RFX2: variants seen among roughly 807,000 people sequenced by gnomAD.
RFX2 encodes regulatory factor X2.
RFX2 carries 20 observed loss-of-function variants against 87.8 expected under a neutral mutation model. The ratio of observed to expected loss-of-function variants is 0.23; its 90% confidence interval spans 0.16 to 0.33. The LOEUF is 0.33. Among genes scored for constraint, RFX2 ranks in the 10% least tolerant of loss-of-function variants. The pLI, the probability that RFX2 is intolerant of heterozygous loss-of-function variation, is 1.00. For synonymous variants in RFX2, 397 were observed against 431.3 expected (o/e 0.92, Z 0.98); for missense variants, 767 against 1,012.3 (o/e 0.76, Z 3.29).
In RFX2 at chr19:6,027,357, A is replaced by G. The variant is rs1291944101; in HGVS notation, c.523-1120T>C. ...CACCTTTAAGAAGTGCAGAAGGTAC[A>G]CTGGAGGACCAGGGGAAAGTAGGAT... is the stretch of plus-strand genomic sequence containing the variant. On this transcript the variant is annotated intron_variant, in intron 5 of 17. Transcript: ENST00000303657. This position sits in a 1 kb window ranked among gnomAD's most constrained non-coding sequence, Gnocchi z 5.0. The G allele has an allele frequency of 1.3e-5, 2 of 152,240 alleles. No individual in the cohort carries two copies. Among genetic ancestry groups the G allele is most frequent in the Non-Finnish European group, 2.9e-5 (2 of 68,062 alleles). The allele number at this position is 152,240 out of a possible 1,614,324, so 9.4% of individuals were successfully genotyped here. A position where few individuals can be genotyped will look rare whatever the true frequency, so the allele number is the denominator to read the frequency against.
chr19:6,067,139 C>T (rs932819041), intron 1 of RFX2, among the ~76,000 whole-genome samples: 1 of 152,046 alleles, frequency 6.6e-6, no homozygotes, highest in African/African-American at 2.4e-5. Context: ...GAGAAAGTGC[C>T]CTTTTCTCCA....
rs577254036 is a variant in RFX2, at chr19:6,103,914, C to T, written c.-9+6479G>A. On this transcript the variant is annotated intron_variant, in intron 1 of 17. Transcript: ENST00000303657. Reference sequence around the variant, plus strand: ...GCCACTTACTACTTATTTGCTTCATCCTAATAATAATAATAATAACAACAG... The same window carrying T: ...GCCACTTACTACTTATTTGCTTCATTCTAATAATAATAATAATAACAACAG... Among the ~76,000 whole-genome samples the T allele has an allele frequency of 4.5e-4, 69 of 152,242 alleles. 1 individual carries two copies. Among genetic ancestry groups the T allele is most frequent in the African/African-American group, 1.6e-3 (65 of 41,536 alleles).
At position 5,999,277 on chromosome 19, in the gene RFX2, T is replaced by A. The variant is rs993304836; in HGVS notation, c.1860-2064A>T. Among the ~76,000 whole-genome samples the A allele has an allele frequency of 2.0e-5, 3 of 151,938 alleles. No homozygotes were observed. In the South Asian group the frequency reaches 6.2e-4, roughly 32 times the overall value. Reference sequence around the variant, plus strand: ...CTCAAAAAACAAGCAAACAAGAGAATGAAGTGGAACAGTGTCTCGGTCTCC... The same window carrying A: ...CTCAAAAAACAAGCAAACAAGAGAAAGAAGTGGAACAGTGTCTCGGTCTCC... On this transcript the variant is annotated intron_variant, in intron 15 of 17. Transcript: ENST00000303657. The surrounding 1 kb of genome is among the most constrained non-coding windows in gnomAD (Gnocchi z 4.1).
At chr19:6,059,193 T>C (rs2087392617) in intron 1 of RFX2, among the ~76,000 whole-genome samples, 1 of 152,086 alleles carries the variant, frequency 6.6e-6, no homozygotes, top group Non-Finnish European at 1.5e-5. Context: ...TTGCCCAGAA[T>C]GATCTCGAAC....
At chr19:6,067,418 C>T (rs1040262941) in intron 1 of RFX2, among the ~76,000 whole-genome samples, 3 of 152,148 alleles carry the variant, frequency 2.0e-5, no homozygotes, top group Admixed American at 6.5e-5. Flanking sequence ...ATCACTGCGC[C>T]GGCTCTTCCC....
At chr19:6,072,472 G>C (rs1204377240) in intron 1 of RFX2, among the ~76,000 whole-genome samples, 2 of 152,206 alleles carry the variant, frequency 1.3e-5, no homozygotes, top group Admixed American at 6.5e-5. Flanking sequence ...AGAGGCTGAG[G>C]TGGGAGAATT....
chr19:6,082,546 C>T (rs2087800232), intron 1 of RFX2, among the ~76,000 whole-genome samples: 1 of 152,174 alleles, frequency 6.6e-6, no homozygotes, highest in Non-Finnish European at 1.5e-5. Flanking sequence ...CATCCTCCCA[C>T]CACAGCCTCC....
At chr19:6,076,409 G>C (rs978015226) in intron 1 of RFX2, among the ~76,000 whole-genome samples, 1 of 152,088 alleles carries the variant, frequency 6.6e-6, no homozygotes, top group Non-Finnish European at 1.5e-5. Flanking sequence ...ACTACCTTAC[G>C]GTGCATCCTA....
chr19:6,054,998 C>CTA (rs1036790832), intron 1 of RFX2, among the ~76,000 whole-genome samples: 1 of 152,066 alleles, frequency 6.6e-6, no homozygotes. Flanking sequence ...ACATCTATAT[C>CTA]TATATATATA....
intron 1 of RFX2, among the ~76,000 whole-genome samples, chr19:6,058,228 C>T (rs973581114): frequency 4.6e-5 from 7 of 152,304 alleles, no homozygotes; most frequent in South Asian, 2.1e-4. Flanking sequence ...CCCTGGCCTC[C>T]GCTCACTCCA....
rs376905467 is a variant in RFX2 at position 6,042,034 on chromosome 19, A to C, written c.260+10T>G. 1.9e-5 allele frequency: 31 copies of C among 1,612,600 alleles called. No individual in the cohort carries two copies. In the African/African-American group the frequency reaches 3.7e-4, roughly 19 times the overall value. On this transcript the variant is annotated intron_variant, in intron 4 of 17. Coordinates refer to ENST00000303657, the MANE Select transcript of RFX2 (RefSeq NM_000635.4). ...GGGTTCCGGGTGTGGCCCGCGGGAGAAGCACGCACATGGCTCCATTGGTGT... is the reference window on the plus strand; with the variant it reads ...GGGTTCCGGGTGTGGCCCGCGGGAGCAGCACGCACATGGCTCCATTGGTGT...
intron 16 of RFX2, 59 bp from the exon 17 acceptor site, chr19:5,995,702 G>T: frequency 2.0e-6 from 3 of 1,478,612 alleles, no homozygotes; most frequent in Non-Finnish European, 2.8e-6. Context: ...GCTGTTTGGG[G>T]GCTCGGGGGA....
At chr19:6,092,762 C>T (rs1198148884) in intron 1 of RFX2, among the ~76,000 whole-genome samples, 1 of 152,096 alleles carries the variant, frequency 6.6e-6, no homozygotes, top group Non-Finnish European at 1.5e-5. Context: ...TTGAGCACCT[C>T]CTAAGTGGCC....
At chr19:6,088,516 T>A (rs1470751128) in intron 1 of RFX2, among the ~76,000 whole-genome samples, 1 of 151,378 alleles carries the variant, frequency 6.6e-6, no homozygotes, top group African/African-American at 2.4e-5. Context: ...AGCCCAGCAT[T>A]TTTTTTTAAA....
chr19:6,059,660 TCA>T (rs371052966), intron 1 of RFX2, among the ~76,000 whole-genome samples: 1 of 151,812 alleles, frequency 6.6e-6, no homozygotes, highest in Non-Finnish European at 1.5e-5. Flanking sequence ...CATGAGAGTG[TCA>T]CACACACACA....
rs887471057 is a variant in RFX2, at chr19:6,004,228, G to T, written c.1473C>A (p.Asp491Glu). The T allele has an allele frequency of 8.1e-6, 13 of 1,613,472 alleles. No homozygotes were observed. The highest frequency in any genetic ancestry group is 1.1e-5 in the Non-Finnish European group (13 of 1,179,744). ...TGGTCTGGATGACCTGTTGTGGGAAGTCACTCATGGCATTTGTCAACCAGC... is the reference window on the plus strand; with the variant it reads ...TGGTCTGGATGACCTGTTGTGGGAATTCACTCATGGCATTTGTCAACCAGC... ...LEGWLTNAMS[D>E]FPQQVIQTKV... is the part of the protein sequence containing the mutation. Residue 491 changes from aspartate to glutamate, a missense_variant, in exon 13 of 18, where the codon GAC (aspartate) becomes GAA (glutamate). By Grantham distance (45) the Asp-to-Glu change is conservative. Transcript: ENST00000303657. The surrounding 1 kb of genome is among the most constrained non-coding windows in gnomAD (Gnocchi z 4.8).
intron 4 of RFX2, among the ~76,000 whole-genome samples, chr19:6,041,678 C>A (rs989002088): frequency 1.3e-5 from 2 of 150,762 alleles, no homozygotes; most frequent in African/African-American, 4.9e-5. Context: ...TCTGAAATCT[C>A]CACAGGGTTA....
intron 1 of RFX2, among the ~76,000 whole-genome samples, chr19:6,053,166 GAAGA>G (rs2087287472): frequency 6.6e-6 from 1 of 152,098 alleles, no homozygotes; most frequent in African/African-American, 2.4e-5. Context: ...TTTTTCAGAA[GAAGA>G]AAGGAGCTAT....
In RFX2 at chr19:6,013,225, GC is replaced by G; in HGVS notation, c.780-121del. On this transcript the variant is annotated intron_variant, in intron 7 of 17. Transcript: ENST00000303657. The surrounding 1 kb of genome is among the most constrained non-coding windows in gnomAD (Gnocchi z 4.1). Reference sequence around the variant, plus strand: ...TTTTGAGACAGAATCTCATTCTGTCGCCCAGGCTGGAGTACAGCAGTGCCAT... The same window carrying G: ...TTTTGAGACAGAATCTCATTCTGTCGCCAGGCTGGAGTACAGCAGTGCCAT... 1 of 1,063,436 alleles carries G rather than the reference GC, an allele frequency of 9.4e-7. No individual in the cohort carries two copies. Among genetic ancestry groups the G allele is most frequent in the Non-Finnish European group, 1.3e-6 (1 of 774,506 alleles). 65.9% of individuals were successfully genotyped at this position (1,063,436 alleles called of 1,614,324 possible). A position where few individuals can be genotyped will look rare whatever the true frequency, so the allele number is the denominator to read the frequency against.
Sources: gnomAD v4.1 joint callset for allele counts (sites outside exome capture counted in the v4.1 genomes callset) on GRCh38, gnomAD v4.1.1 for gene constraint, Gnocchi (gnomAD v3.1) non-coding constraint, MANE v1.5 for transcripts, NCBI Gene and HGNC (gene_info 2026-07-23, HGNC 2026-07-21) for gene names.